Variants in ATP10B observed in about 807,000 individuals in gnomAD.
The protein encoded by ATP10B is phospholipid-transporting ATPase VB.
A neutral mutation model predicts 141.2 loss-of-function variants in ATP10B; 122 were observed. That is an observed-to-expected ratio of 0.86 (90% CI 0.75 to 1.00). The LOEUF (loss-of-function observed/expected upper bound fraction) is 1.00, where lower values mean the gene tolerates loss of function less well. Ranked by LOEUF, ATP10B falls within the 50% of genes least tolerant of loss-of-function variation. The pLI is 0.00. For synonymous variants in ATP10B, 685 were observed against 692.0 expected (o/e 0.99, Z 0.16); for missense variants, 1,876 against 1,825.3 (o/e 1.03, Z -0.51).
chr5:160,926,889 T>G, the ATP10B span, among the ~76,000 whole-genome samples: 1 of 152,248 alleles, frequency 6.6e-6, no homozygotes, highest in Non-Finnish European at 1.5e-5. Flanking sequence ...CACCTTCCTG[T>G]GTATTCGCTG....
chr5:160,916,443 C>T, the ATP10B span, among the ~76,000 whole-genome samples: 1 of 151,922 alleles, frequency 6.6e-6, no homozygotes, highest in South Asian at 2.1e-4. Flanking sequence ...ATAGCTTTAA[C>T]AGATTTACTG....
chr5:160,622,400 C>T lies in ATP10B; in HGVS notation c.1806G>A (p.Arg602=). 6.2e-7 allele frequency: 1 copy of T among 1,612,318 alleles called. No homozygotes were observed. The highest frequency in any genetic ancestry group is 8.5e-7 in the Non-Finnish European group (1 of 1,179,338). ...AGCCATCGCTGGTCCTTACCCTCTG[C>T]CTGGGCTCGGTGGTTGTGGACACCA... is the stretch of plus-strand genomic sequence containing the variant. ...SVMVSTTTEP[R]QRVTIKPSSK... The change falls in exon 14 of 26, where the codon AGG becomes AGA. Residue 602 remains arginine, a synonymous_variant. Coordinates refer to ENST00000327245, the MANE Select transcript of ATP10B (RefSeq NM_025153.3).
chr5:160,874,608 C>G, the ATP10B span, among the ~76,000 whole-genome samples: 3 of 152,092 alleles, frequency 2.0e-5, no homozygotes, highest in African/African-American at 7.2e-5. Flanking sequence ...GACATTCAAA[C>G]CAAAGGCAAA....
chr5:160,670,395 T>C, intron 7 of ATP10B, 68 bp downstream of exon 7: 2 of 1,539,706 alleles, frequency 1.3e-6, no homozygotes, highest in Non-Finnish European at 1.8e-6. Context: ...TTTAGTTCAA[T>C]TTTCCAGTAG....
intron 1 of ATP10B, among the ~76,000 whole-genome samples, chr5:160,797,966 G>C (rs1388513449): frequency 2.0e-5 from 3 of 149,490 alleles, no homozygotes; most frequent in Middle Eastern, 3.5e-3. Context: ...AAAAAAAAGA[G>C]AAAAGAAACA....
chr5:160,581,975 C>CT (rs1041744110), intron 24 of ATP10B, among the ~76,000 whole-genome samples: 4 of 151,784 alleles, frequency 2.6e-5, no homozygotes, highest in East Asian at 3.9e-4. Context: ...TGCAACCCTG[C>CT]TTTTTTTTGT....
chr5:160,662,040 C>G (rs535926645), intron 7 of ATP10B, among the ~76,000 whole-genome samples: 1 of 152,264 alleles, frequency 6.6e-6, no homozygotes, highest in South Asian at 2.1e-4. Context: ...AACTTCCATT[C>G]ACAATTGCTT....
intron 18 of ATP10B, 90 bp downstream of exon 18, chr5:160,612,651 C>G: frequency 8.0e-7 from 1 of 1,246,512 alleles, no homozygotes; most frequent in African/African-American, 1.5e-5. Flanking sequence ...CTGGTGTACC[C>G]AAATCCCACC....
chr5:160,884,024 A>AT, the ATP10B span, among the ~76,000 whole-genome samples: 1 of 152,210 alleles, frequency 6.6e-6, no homozygotes, highest in Non-Finnish European at 1.5e-5. Flanking sequence ...CACTCTTCAA[A>AT]TGAACGAATT....
chr5:160,593,782 G>A (rs142557223), intron 22 of ATP10B, among the ~76,000 whole-genome samples: 3 of 152,086 alleles, frequency 2.0e-5, no homozygotes, highest in Admixed American at 6.5e-5. Context: ...CTCAGGAGCC[G>A]ATGTGATCAA....
intron 7 of ATP10B, among the ~76,000 whole-genome samples, chr5:160,664,124 C>G (rs1355055457): frequency 6.6e-6 from 1 of 152,148 alleles, no homozygotes; most frequent in African/African-American, 2.4e-5. Flanking sequence ...CACTGATCAA[C>G]AGGTAGAAAG....
intron 2 of ATP10B, among the ~76,000 whole-genome samples, chr5:160,759,435 T>C (rs1442153424): frequency 6.6e-6 from 1 of 152,240 alleles, no homozygotes; most frequent in Non-Finnish European, 1.5e-5. Context: ...AGAATAGTTT[T>C]GTCATTCATA....
Position 160,670,613 on chromosome 5 carries a change from GA to G in ATP10B, c.524del (p.Phe175SerfsTer4). The G allele has an allele frequency of 1.2e-6, 2 of 1,613,834 alleles. No homozygotes were observed. Among genetic ancestry groups the G allele is most frequent in the Non-Finnish European group, 1.7e-6 (2 of 1,179,848 alleles). On this transcript the variant is annotated frameshift_variant, in exon 7 of 26. Transcript: ENST00000327245. LOFTEE classifies it high-confidence loss of function. ...CAATCTCATTGCATTTCATTTGGAT[GA>G]AGTCTCCCACGCGCACATCCTTCCA... is the stretch of plus-strand genomic sequence containing the variant. Reference protein sequence around the residue: ...KCWKDVRVGDFIQMKCNEIVP... With the variant: ...KCWKDVRVGDXIQMKCNEIVP...
intron 3 of ATP10B, among the ~76,000 whole-genome samples, chr5:160,698,551 C>T (rs1764503460): frequency 6.6e-6 from 1 of 152,168 alleles, no homozygotes; most frequent in East Asian, 1.9e-4. Context: ...ATCTTTCACA[C>T]ACTGGTGTGC....
At chr5:160,681,387 G>C (rs1453026119) in intron 6 of ATP10B, among the ~76,000 whole-genome samples, 1 of 152,208 alleles carries the variant, frequency 6.6e-6, no homozygotes, top group Non-Finnish European at 1.5e-5. Flanking sequence ...GCTATTAATA[G>C]TTAGTCTGAG....
chr5:160,914,693 A>G, the ATP10B span, among the ~76,000 whole-genome samples: 1 of 152,200 alleles, frequency 6.6e-6, no homozygotes, highest in African/African-American at 2.4e-5. Context: ...CTGGAAGGCT[A>G]TAGGTAGGCA....
chr5:160,914,753 A>G, the ATP10B span, among the ~76,000 whole-genome samples: 1 of 152,216 alleles, frequency 6.6e-6, no homozygotes. Context: ...GACAGAAGTT[A>G]CCAACATGAA....
At chr5:160,880,589 A>T in the ATP10B span, among the ~76,000 whole-genome samples, 4 of 152,212 alleles carry the variant, frequency 2.6e-5, no homozygotes, top group South Asian at 2.1e-4. Flanking sequence ...TGAGAAATAG[A>T]TCAACAGCAC....
chr5:160,597,945 G>A (rs1242921264), intron 22 of ATP10B, among the ~76,000 whole-genome samples: 1 of 149,466 alleles, frequency 6.7e-6, no homozygotes, highest in Non-Finnish European at 1.5e-5. Flanking sequence ...CACTGTTGGT[G>A]GGACTGTAAA....
Sources: gnomAD v4.1 joint callset for allele counts (sites outside exome capture counted in the v4.1 genomes callset) on GRCh38, gnomAD v4.1.1 for gene constraint, MANE v1.5 for transcripts, NCBI Gene and HGNC (gene_info 2026-07-23, HGNC 2026-07-21) for gene names.